The following DGKI variants were observed in gnomAD, a reference collection of about 807,000 sequenced individuals.
DGKI encodes the protein DAG kinase iota.
Under a neutral mutation model 147.5 loss-of-function variants are expected in DGKI, and 55 were observed. The ratio of observed to expected loss-of-function variants is 0.37; its 90% CI spans 0.30 to 0.47. DGKI has a LOEUF of 0.47. DGKI is among the 20% of genes least tolerant of loss of function. The probability of loss-of-function intolerance (pLI) is 1.00; values close to 1 mark genes in which losing one functional copy is unlikely to be tolerated. For synonymous variants in DGKI, 469 were observed against 477.1 expected (o/e 0.98, Z 0.22); for missense variants, 1,007 against 1,323.8 (o/e 0.76, Z 3.71).
At chr7:137,676,030 C>A (rs767439955) in intron 3 of DGKI, among the ~76,000 whole-genome samples, 2 of 152,180 alleles carry the variant, frequency 1.3e-5, no homozygotes, top group African/African-American at 2.4e-5. Flanking sequence ...ACTCTGGGTC[C>A]TCTGCTGCTT....
intron 6 of DGKI, among the ~76,000 whole-genome samples, chr7:137,638,891 AT>A (rs1465882362): frequency 6.6e-6 from 1 of 151,718 alleles, no homozygotes; most frequent in Non-Finnish European, 1.5e-5. Flanking sequence ...AAAATACTAA[AT>A]TTTTTATTAT....
At chr7:137,403,115 G>A (rs931541676) in intron 30 of DGKI, among the ~76,000 whole-genome samples, 1 of 152,088 alleles carries the variant, frequency 6.6e-6, no homozygotes, top group Non-Finnish European at 1.5e-5. Flanking sequence ...ATGGTTGAAA[G>A]GAGCTGAAAA....
rs1318055440 is a variant in DGKI at position 137,382,244 on chromosome 7, G to A, written c.*8976C>T. The stretch of plus-strand genomic sequence containing the variant: ...GTAAACATATATCTATCATTTTTAA[G>A]AGGAAAATGTATATTTAAACCCAAA... On this transcript the variant is annotated 3_prime_UTR_variant, in exon 33 of 33. Coordinates refer to ENST00000614521, the MANE Select transcript of DGKI (RefSeq NM_001321708.2). The A allele has an allele frequency of 1.3e-5, 2 of 152,166 alleles. No individual in the cohort carries two copies. Among genetic ancestry groups the A allele is most frequent in the Non-Finnish European group, 2.9e-5 (2 of 67,966 alleles). The allele number at this position is 152,166 out of a possible 1,614,324, so 9.4% of individuals were successfully genotyped here.
chr7:137,673,138 G>A (rs1374117428), intron 3 of DGKI, among the ~76,000 whole-genome samples: 1 of 152,104 alleles, frequency 6.6e-6, no homozygotes, highest in Non-Finnish European at 1.5e-5. Context: ...CTCTACTCCA[G>A]ATGAACTCAT....
Position 137,466,819 on chromosome 7 carries a change from A to G in DGKI, c.2484+83T>C. The stretch of plus-strand genomic sequence containing the variant: ...TTTGTGTCTCAGTGGTTTTCGTTAG[A>G]AAAATTTATGAGATTAGCTACCAAT... On this transcript the variant is annotated intron_variant, in intron 25 of 32. Transcript: ENST00000614521. 2.0e-6 allele frequency: 3 copies of G among 1,469,860 alleles called. 1 individual carries two copies. The highest frequency in any genetic ancestry group is 2.8e-6 in the Non-Finnish European group (3 of 1,053,060). 91.1% of individuals were successfully genotyped at this position (1,469,860 alleles called of 1,614,324 possible). A position where few individuals can be genotyped will look rare whatever the true frequency, so the allele number is the denominator to read the frequency against.
chr7:137,598,000 G>A (rs1410343346), intron 11 of DGKI, 93 bp from the exon 12 acceptor site: 1 of 1,082,150 alleles, frequency 9.2e-7, no homozygotes, highest in Non-Finnish European at 1.4e-6. Flanking sequence ...GGTAGGGGTG[G>A]TGTCCGCTGG....
rs1798745344 is a variant in DGKI, at chr7:137,846,647, G to T, written c.216C>A (p.Ser72Arg). Residue 72 changes from serine to arginine, a missense_variant, in exon 1 of 33, where the codon AGC becomes AGA. Around this residue, in one of 5 missense-constraint regions of DGKI, gnomAD observed 137 missense variants for 114.4 expected, o/e 1.20. Transcript: ENST00000614521. The surrounding 1 kb of genome is among the most constrained non-coding windows in gnomAD (Gnocchi z 4.0). The stretch of plus-strand genomic sequence containing the variant: ...GGCAGCAGCTCCCGGCGCCGCTTCC[G>T]CTGCTGCTGCTGCCGCCCGTCGCCC... ...EKGATGGSSSSGSGAGSCCLG... is the reference protein window; with the variant it reads ...EKGATGGSSSRGSGAGSCCLG... 9.4e-7 allele frequency: 1 copy of T among 1,059,804 alleles called. No individual in the cohort carries two copies. The highest frequency in any genetic ancestry group is 1.1e-6 in the Non-Finnish European group (1 of 879,482). 65.7% of individuals were successfully genotyped at this position (1,059,804 alleles called of 1,614,324 possible). A position where few individuals can be genotyped will look rare whatever the true frequency, so the allele number is the denominator to read the frequency against.
At chr7:137,468,909 G>C (rs1026784265) in intron 24 of DGKI, among the ~76,000 whole-genome samples, 1 of 152,060 alleles carries the variant, frequency 6.6e-6, no homozygotes, top group East Asian at 1.9e-4. Context: ...AGATACATTC[G>C]GTAGTATGTA....
At chr7:137,783,124 G>A (rs1337545037) in intron 1 of DGKI, among the ~76,000 whole-genome samples, 1 of 152,136 alleles carries the variant, frequency 6.6e-6, no homozygotes, top group African/African-American at 2.4e-5. Flanking sequence ...TCCAAACCAA[G>A]ATGAAATCTC....
chr7:137,678,560 A>G lies in DGKI; in HGVS notation c.603T>C (p.Phe201=), dbSNP rs1240602281. ...GCAAGACGGAGCGCACACTCACTGC[A>G]AATCTGACTTGGCAGTTCTCCTCTC... is the stretch of plus-strand genomic sequence containing the variant. The part of the protein sequence containing the change: ...YLGEENCQVR[F]AKSALRRKCA... The change falls in exon 3 of 33, where the codon TTT becomes TTC. Residue 201 remains phenylalanine, a synonymous_variant. Transcript: ENST00000614521. 6.2e-7 allele frequency: 1 copy of G among 1,613,960 alleles called. No homozygotes were observed. The highest frequency in any genetic ancestry group is 1.3e-5 in the African/African-American group (1 of 74,918).
In DGKI at chr7:137,395,630, C is replaced by A. The variant is rs150231381; in HGVS notation, c.3025G>T (p.Ala1009Ser). The A allele has an allele frequency of 6.2e-7, 1 of 1,614,176 alleles. No homozygotes were observed. The highest frequency in any genetic ancestry group is 8.5e-7 in the Non-Finnish European group (1 of 1,179,982). Reference sequence around the variant, plus strand: ...TCCGTCTTTCTCAGAGATGCTCCTGCATCCACCAGAAGCTGGCACACAGCC... The same window carrying A: ...TCCGTCTTTCTCAGAGATGCTCCTGAATCCACCAGAAGCTGGCACACAGCC... Reference protein sequence around the residue: ...NRAVCQLLVDAGASLRKTDSK... With the variant: ...NRAVCQLLVDSGASLRKTDSK... Residue 1009 changes from alanine (A) to serine (S), a missense_variant, in exon 32 of 33, where the codon GCA (alanine) becomes TCA (serine). Physicochemically the swap from Ala to Ser is moderately conservative, Grantham distance 99. Coordinates refer to ENST00000614521, the MANE Select transcript of DGKI (RefSeq NM_001321708.2).
At position 137,643,290 on chromosome 7, in the gene DGKI, C is replaced by CA. The variant is rs10541603; in HGVS notation, c.804+2181dup. ...TGGGAGACACAGCGAGACTCCGTCT[C>CA]AAAAAAAAAAAAAAAAAAAAAAAAA... On this transcript the variant is annotated intron_variant, in intron 6 of 32. Coordinates refer to ENST00000614521, the MANE Select transcript of DGKI (RefSeq NM_001321708.2). Among the ~76,000 whole-genome samples the CA allele has an allele frequency of 4.6e-3, 285 of 61,662 alleles. 31 individuals are homozygous for CA. The highest frequency in any genetic ancestry group is 0.016 in the African/African-American group (228 of 13,918). 40.5% of individuals were successfully genotyped at this position (61,662 alleles called of 152,430 possible).
At chr7:137,667,109 T>G (rs1822666389) in intron 3 of DGKI, among the ~76,000 whole-genome samples, 1 of 152,168 alleles carries the variant, frequency 6.6e-6, no homozygotes, top group Admixed American at 6.5e-5. Flanking sequence ...CTTGTCATAT[T>G]TTTACACGCT....
chr7:137,589,257 C>T (rs2128984767), intron 12 of DGKI, among the ~76,000 whole-genome samples: 1 of 152,346 alleles, frequency 6.6e-6, no homozygotes, highest in South Asian at 2.1e-4. Context: ...TGACTTCCAA[C>T]TAAAATTCTT....
Position 137,391,208 on chromosome 7 carries a change from C to T in DGKI, c.*12G>A, listed in dbSNP as rs376775493. On this transcript the variant is annotated 3_prime_UTR_variant, in exon 33 of 33. Coordinates refer to ENST00000614521, the MANE Select transcript of DGKI (RefSeq NM_001321708.2). ...TACGCTTGCTCATGTCCTCTTTGCC[C>T]GAATACCAGGGTCAAACAGCAGTTT... 474 of 1,606,624 alleles carry T rather than the reference C, an allele frequency of 3.0e-4. No homozygotes were observed. Among genetic ancestry groups the T allele is most frequent in the Admixed American group, 5.8e-4 (35 of 59,984 alleles).
At position 137,846,304 on chromosome 7, in the gene DGKI, G is replaced by C. The variant is rs1295733740; in HGVS notation, c.401+158C>G. Among the ~76,000 whole-genome samples, 4 of 152,014 alleles carry C rather than the reference G, an allele frequency of 2.6e-5. No individual in the cohort carries two copies. In the East Asian group the frequency reaches 7.8e-4, roughly 29 times the overall value. On this transcript the variant is annotated intron_variant, in intron 1 of 32. Transcript: ENST00000614521. The surrounding 1 kb of genome is among the most constrained non-coding windows in gnomAD (Gnocchi z 4.0). ...CCTCCAGCCTGGAATGATAGGATGG[G>C]GAGAAGACAGACATCCCCGGGAGGA...
intron 24 of DGKI, among the ~76,000 whole-genome samples, chr7:137,468,143 A>G (rs1416924337): frequency 6.6e-6 from 1 of 152,206 alleles, no homozygotes; most frequent in South Asian, 2.1e-4. Flanking sequence ...ATTCACAAAC[A>G]TTTAATGAGT....
intron 6 of DGKI, among the ~76,000 whole-genome samples, chr7:137,638,543 T>TACACAC: frequency 8.5e-6 from 1 of 117,550 alleles, no homozygotes; most frequent in South Asian, 2.6e-4. Flanking sequence ...CATATATGTA[T>TACACAC]ATATATGTGT....
chr7:137,472,354 GTA>G (rs371527826), intron 23 of DGKI, among the ~76,000 whole-genome samples: 370 of 6,074 alleles, frequency 0.061, 72 homozygotes, highest in African/African-American at 0.18. Flanking sequence ...ATTATTATAT[GTA>G]TATATACATA....
Sources: gnomAD v4.1 joint callset for allele counts (sites outside exome capture counted in the v4.1 genomes callset) on GRCh38, gnomAD v4.1.1 for gene constraint, gnomAD v4.1.1 regional missense constraint, Gnocchi (gnomAD v3.1) non-coding constraint, MANE v1.5 for transcripts, NCBI Gene and HGNC (gene_info 2026-07-23, HGNC 2026-07-21) for gene names.